Variants in CSMD1 observed in about 807,000 individuals in gnomAD.
CSMD1 encodes CUB and sushi domain-containing protein 1.
In CSMD1, 213 loss-of-function variants were observed where a neutral mutation model predicts 417.5. The observed-to-expected ratio is 0.51, with a 90% CI of 0.46 to 0.57. CSMD1 has a LOEUF of 0.57. Among genes scored for constraint, CSMD1 ranks in the 20% least tolerant of loss-of-function variants. CSMD1 has a pLI of 0.00. For synonymous variants in CSMD1, 2,862 were observed against 1,736.8 expected, an observed-to-expected ratio of 1.65 and a Z score of -16.11; for missense variants, 6,923 against 4,529.7, an observed-to-expected ratio of 1.53 and a Z score of -15.17.
chr8:4,769,923 G>C (rs910276207), intron 1 of CSMD1, among the ~76,000 whole-genome samples: 4 of 151,798 alleles, frequency 2.6e-5, no homozygotes, highest in African/African-American at 9.7e-5. Context: ...TGATTAATTG[G>C]GATTAAAAAT....
chr8:4,934,169 A>C (rs1434095824), intron 1 of CSMD1, among the ~76,000 whole-genome samples: 1 of 152,168 alleles, frequency 6.6e-6, no homozygotes, highest in Non-Finnish European at 1.5e-5. Context: ...GGCCAGGCTA[A>C]CAAGAAACAG....
chr8:4,601,945 G>A (rs1800611430), intron 2 of CSMD1, among the ~76,000 whole-genome samples: 1 of 152,124 alleles, frequency 6.6e-6, no homozygotes, highest in African/African-American at 2.4e-5. Context: ...CTTATACACA[G>A]GTGCTGGAGG....
At chr8:3,566,024 C>G (rs1013067063) in intron 10 of CSMD1, among the ~76,000 whole-genome samples, 1 of 152,176 alleles carries the variant, frequency 6.6e-6, no homozygotes, top group African/African-American at 2.4e-5. Context: ...GAGAATAAAA[C>G]ATAAACTCTT....
Position 3,660,520 on chromosome 8 carries a change from T to C in CSMD1, c.1010-43723A>G, listed in dbSNP as rs2117447738. ...TTTTTTTTTTTTTTTTTTTTTTTTT[T>C]TTTTTTTTTTTTTTTTTTGAAAAAA... On this transcript the variant is annotated intron_variant, in intron 7 of 69. Transcript: ENST00000635120. Among the ~76,000 whole-genome samples the C allele has an allele frequency of 4.3e-4, 3 of 6,986 alleles. 1 individual carries two copies. The highest frequency in any genetic ancestry group is 6.8e-4 in the Non-Finnish European group (2 of 2,932). The allele number at this position is 6,986 out of a possible 152,430, so 4.6% of individuals were successfully genotyped here. A position where few individuals can be genotyped will look rare whatever the true frequency, so the allele number is the denominator to read the frequency against.
At chr8:3,998,783 G>C (rs988771966) in intron 4 of CSMD1, among the ~76,000 whole-genome samples, 9 of 151,344 alleles carry the variant, frequency 5.9e-5, no homozygotes, top group Non-Finnish European at 8.8e-5. Flanking sequence ...AACAGATCTT[G>C]GTAAGTTTGC....
intron 5 of CSMD1, among the ~76,000 whole-genome samples, chr8:3,987,993 T>A (rs187661295): frequency 9.5e-4 from 144 of 152,346 alleles, no homozygotes; most frequent in African/African-American, 3.2e-3. Context: ...TCAATTTTCT[T>A]GAAAAGAGCT....
chr8:4,023,697 C>G (rs562120385), intron 4 of CSMD1, among the ~76,000 whole-genome samples: 1 of 150,488 alleles, frequency 6.6e-6, no homozygotes, highest in Non-Finnish European at 1.5e-5. Flanking sequence ...CGCCATTCTC[C>G]TGCCTCAGCC....
chr8:4,043,307 C>T (rs563399563), intron 3 of CSMD1, among the ~76,000 whole-genome samples: 4 of 151,784 alleles, frequency 2.6e-5, no homozygotes, highest in African/African-American at 9.7e-5. Flanking sequence ...AAAAGGAAAA[C>T]ATAAAAAGAA....
chr8:3,078,273 A>G (rs775574322), intron 49 of CSMD1, among the ~76,000 whole-genome samples: 2 of 152,188 alleles, frequency 1.3e-5, no homozygotes, highest in African/African-American at 2.4e-5. Context: ...ACTTCCACTG[A>G]CTACAATACT....
intron 7 of CSMD1, among the ~76,000 whole-genome samples, chr8:3,646,936 C>A (rs1012104540): frequency 6.6e-6 from 1 of 152,146 alleles, no homozygotes; most frequent in Non-Finnish European, 1.5e-5. Flanking sequence ...AAATTTAAAA[C>A]CTCAACAATG....
intron 21 of CSMD1, 103 bp from the exon 22 acceptor site, chr8:3,348,264 G>A (rs3802300): frequency 0.046 from 36,733 of 795,782 alleles, 2,205 homozygotes; most frequent in East Asian, 0.25. Context: ...TTCTATCAAC[G>A]TATGTGTGTT....
At chr8:3,866,018 C>T (rs911625120) in intron 5 of CSMD1, among the ~76,000 whole-genome samples, 1 of 151,950 alleles carries the variant, frequency 6.6e-6, no homozygotes, top group Non-Finnish European at 1.5e-5. Context: ...TGAGATAAAT[C>T]GCCACCAGAA....
chr8:3,964,683 T>C (rs560016295), intron 5 of CSMD1, among the ~76,000 whole-genome samples: 10 of 152,342 alleles, frequency 6.6e-5, no homozygotes, highest in Middle Eastern at 3.4e-3. Context: ...TACTTTTAAA[T>C]GGACCATAGT....
At chr8:3,360,070 A>G (rs1054044624) in intron 20 of CSMD1, among the ~76,000 whole-genome samples, 2 of 152,292 alleles carry the variant, frequency 1.3e-5, no homozygotes, top group African/African-American at 2.4e-5. Flanking sequence ...GCACAGGGCT[A>G]TGTTTCTGGA....
chr8:3,804,026 C>T (rs1402593402), intron 5 of CSMD1, among the ~76,000 whole-genome samples: 1 of 152,116 alleles, frequency 6.6e-6, no homozygotes, highest in Non-Finnish European at 1.5e-5. Flanking sequence ...CTCCTGAGTT[C>T]AAGCGATTCT....
At chr8:4,141,256 G>T (rs1337908146) in intron 3 of CSMD1, among the ~76,000 whole-genome samples, 1 of 151,114 alleles carries the variant, frequency 6.6e-6, no homozygotes, top group Non-Finnish European at 1.5e-5. Flanking sequence ...TAAGCTTGAT[G>T]CTGAAATTCC....
chr8:3,542,867 T>C (rs1798498540), intron 10 of CSMD1, among the ~76,000 whole-genome samples: 1 of 152,166 alleles, frequency 6.6e-6, no homozygotes, highest in Admixed American at 6.5e-5. Context: ...CTTTCCCGTG[T>C]CCCTCAGCTA....
intron 1 of CSMD1, among the ~76,000 whole-genome samples, chr8:4,930,010 G>T (rs1006443644): frequency 6.6e-6 from 1 of 152,168 alleles, no homozygotes. Flanking sequence ...AAGCACTGAT[G>T]AGGTGAATGA....
chr8:3,413,189 A>T (rs182543991), intron 12 of CSMD1, among the ~76,000 whole-genome samples: 4 of 152,380 alleles, frequency 2.6e-5, no homozygotes, highest in African/African-American at 9.6e-5. Flanking sequence ...AGCAAGCCTT[A>T]AATGTTTCAT....
Sources: gnomAD v4.1 joint callset for allele counts (sites outside exome capture counted in the v4.1 genomes callset) on GRCh38, gnomAD v4.1.1 for gene constraint, MANE v1.5 for transcripts, NCBI Gene and HGNC (gene_info 2026-07-23, HGNC 2026-07-21) for gene names.